RBFOX1: variants seen among roughly 807,000 people sequenced by gnomAD.
RBFOX1 encodes RNA binding protein fox-1 homolog 1.
A neutral mutation model predicts 57.7 loss-of-function variants in RBFOX1; 8 were observed. The ratio of observed to expected loss-of-function variants is 0.14; its 90% CI spans 0.08 to 0.25. The LOEUF (loss-of-function observed/expected upper bound fraction) is 0.25. Ranked by LOEUF, RBFOX1 falls within the 10% of genes least tolerant of loss-of-function variation. The pLI, the probability that RBFOX1 is intolerant of heterozygous loss-of-function variation, is 1.00. For synonymous variants in RBFOX1, 326 were observed against 222.4 expected, an observed-to-expected ratio of 1.47 and a Z score of -4.15; for missense variants, 611 against 548.5, an observed-to-expected ratio of 1.11 and a Z score of -1.14.
chr16:5,284,348 G>A (rs778491474), intron 1 of RBFOX1, among the ~76,000 whole-genome samples: 1 of 152,006 alleles, frequency 6.6e-6, no homozygotes, highest in Non-Finnish European at 1.5e-5. Flanking sequence ...GTTTTCTTTA[G>A]CGGTGACATT....
intron 2 of RBFOX1, among the ~76,000 whole-genome samples, chr16:5,542,224 A>G (rs1332898882): frequency 6.7e-6 from 1 of 150,374 alleles, no homozygotes; most frequent in African/African-American, 2.5e-5. Context: ...AGTCATTTCA[A>G]TTTAATAACA....
chr16:6,783,438 T>C (rs1290042200), intron 3 of RBFOX1, among the ~76,000 whole-genome samples: 1 of 108,184 alleles, frequency 9.2e-6, no homozygotes, highest in African/African-American at 3.3e-5. Context: ...ACCATGAAGC[T>C]TGCAAAAAAA....
intron 2 of RBFOX1, among the ~76,000 whole-genome samples, chr16:5,500,847 A>C (rs759768866): frequency 6.6e-6 from 1 of 152,206 alleles, no homozygotes; most frequent in African/African-American, 2.4e-5. Flanking sequence ...ATTGCCTTTC[A>C]GATTATAGCT....
chr16:6,803,366 G>C (rs1003524913), intron 3 of RBFOX1, among the ~76,000 whole-genome samples: 3 of 152,146 alleles, frequency 2.0e-5, no homozygotes, highest in African/African-American at 7.2e-5. Context: ...GCCGTACAGA[G>C]AAGAACAATC....
chr16:6,882,046 G>A (rs920640971), intron 3 of RBFOX1, among the ~76,000 whole-genome samples: 4 of 152,138 alleles, frequency 2.6e-5, no homozygotes, highest in African/African-American at 4.8e-5. Flanking sequence ...CTGGAAAAAT[G>A]GTGATGTCAG....
In RBFOX1 at chr16:6,522,648, G is replaced by A. The variant is rs139326358; in HGVS notation, c.-63-131955G>A. Among the ~76,000 whole-genome samples, 330 of 152,096 alleles carry A rather than the reference G, an allele frequency of 2.2e-3. 1 individual carries two copies. Among genetic ancestry groups the A allele is most frequent in the African/African-American group, 7.4e-3 (309 of 41,512 alleles). On this transcript the variant is annotated intron_variant, in intron 2 of 15. Transcript: ENST00000550418. ...AACTTGGGTTGGCATTCAGTACCGG[G>A]GTTAATACTAATAACCAGGTTAATC...
intron 3 of RBFOX1, among the ~76,000 whole-genome samples, chr16:6,734,817 G>C (rs1291050955): frequency 6.6e-6 from 1 of 152,160 alleles, no homozygotes; most frequent in Non-Finnish European, 1.5e-5. Context: ...ACGAAATCTA[G>C]ATGCATAAAG....
chr16:6,604,209 A>G lies in RBFOX1; in HGVS notation c.-63-50394A>G, dbSNP rs77262125. ...CCCAGCAATTCCTACTGGGGAAAAA[A>G]AAAAGAAAAAGTAGGGAGCCATGAT... On this transcript the variant is annotated intron_variant, in intron 2 of 15. Coordinates refer to ENST00000550418, the MANE Select transcript of RBFOX1 (RefSeq NM_018723.4). Among the ~76,000 whole-genome samples, 196 of 152,308 alleles carry G rather than the reference A, an allele frequency of 1.3e-3. 1 individual carries two copies. The highest frequency in any genetic ancestry group is 4.5e-3 in the African/African-American group (186 of 41,558).
At chr16:5,376,369 G>C (rs2065983860) in intron 1 of RBFOX1, among the ~76,000 whole-genome samples, 1 of 152,010 alleles carries the variant, frequency 6.6e-6, no homozygotes, top group South Asian at 2.1e-4. Context: ...AGGAGCTCAG[G>C]TGAGGGGATC....
At chr16:7,191,236 T>C (rs553160121) in intron 4 of RBFOX1, among the ~76,000 whole-genome samples, 1 of 152,264 alleles carries the variant, frequency 6.6e-6, no homozygotes, top group Admixed American at 6.5e-5. Context: ...ATTTCTTCAG[T>C]CTTTAATATT....
chr16:7,698,860 A>AGCC (rs2079673147), intron 14 of RBFOX1, among the ~76,000 whole-genome samples: 1 of 152,196 alleles, frequency 6.6e-6, no homozygotes, highest in Non-Finnish European at 1.5e-5. Flanking sequence ...GCTGCATGCA[A>AGCC]TAACAATACC....
At chr16:7,081,692 T>G (rs572707819) in intron 4 of RBFOX1, among the ~76,000 whole-genome samples, 1 of 152,356 alleles carries the variant, frequency 6.6e-6, no homozygotes, top group South Asian at 2.1e-4. Context: ...ATTGTCTATA[T>G]TTCATAATTA....
chr16:6,530,619 T>A (rs902163785), intron 2 of RBFOX1, among the ~76,000 whole-genome samples: 1 of 152,108 alleles, frequency 6.6e-6, no homozygotes, highest in African/African-American at 2.4e-5. Context: ...AGAGATTGAA[T>A]GGATTCACAA....
chr16:6,198,321 G>A (rs74006931), intron 1 of RBFOX1, among the ~76,000 whole-genome samples: 134 of 152,306 alleles, frequency 8.8e-4, no homozygotes, highest in African/African-American at 3.0e-3. Context: ...AAGACTTGAT[G>A]ACAAGATACA....
At chr16:5,792,000 G>A (rs2054717001) in intron 3 of RBFOX1, among the ~76,000 whole-genome samples, 1 of 152,110 alleles carries the variant, frequency 6.6e-6, no homozygotes. Flanking sequence ...GATGACTTTG[G>A]CAGGGCGCTG....
chr16:7,676,941 G>C, intron 14 of RBFOX1, 103 bp downstream of exon 14: 1 of 1,205,078 alleles, frequency 8.3e-7, no homozygotes, highest in Non-Finnish European at 1.2e-6. Context: ...TGACTGCTGG[G>C]GGAGGTAGCA....
At chr16:5,958,083 A>C (rs531843740) in intron 4 of RBFOX1, among the ~76,000 whole-genome samples, 2 of 152,300 alleles carry the variant, frequency 1.3e-5, no homozygotes, top group South Asian at 4.1e-4. Context: ...CTGCACTTCA[A>C]ATTCTTCATG....
At chr16:6,852,179 C>G (rs961991154) in intron 3 of RBFOX1, among the ~76,000 whole-genome samples, 1 of 152,086 alleles carries the variant, frequency 6.6e-6, no homozygotes, top group Non-Finnish European at 1.5e-5. Context: ...TGGCCTGCAA[C>G]CAAGGTTTTG....
intron 1 of RBFOX1, among the ~76,000 whole-genome samples, chr16:5,374,346 C>G (rs189428644): frequency 7.9e-5 from 12 of 152,332 alleles, no homozygotes; most frequent in Non-Finnish European, 1.6e-4. Context: ...GAGATAGAGG[C>G]TCTCCCTGAG....
Sources: gnomAD v4.1 joint callset for allele counts (sites outside exome capture counted in the v4.1 genomes callset) on GRCh38, gnomAD v4.1.1 for gene constraint, MANE v1.5 for transcripts, NCBI Gene and HGNC (gene_info 2026-07-23, HGNC 2026-07-21) for gene names.